The following WASHC3 variants were observed in gnomAD, a reference collection of about 807,000 sequenced individuals.
WASHC3 encodes the protein WASH complex subunit 3, also known as WASH complex subunit CCDC53.
In WASHC3, 24 loss-of-function variants were observed where a neutral mutation model predicts 26.1. That is an observed-to-expected ratio of 0.92 (90% confidence interval 0.66 to 1.29). The LOEUF is 1.29. WASHC3 is among the 50% of genes most tolerant of loss of function. The probability of loss-of-function intolerance (pLI) is 0.00; values close to 1 mark genes in which losing one functional copy is unlikely to be tolerated. For missense variants in WASHC3, 214 were observed against 229.6 expected (o/e 0.93, Z 0.44); for synonymous variants, 77 against 75.7 (o/e 1.02, Z -0.09).
intron 2 of WASHC3, chr12:102,050,273 T>C: frequency 4.4e-6 from 2 of 454,156 alleles, no homozygotes; most frequent in Non-Finnish European, 8.8e-6. Flanking sequence ...CCAGCATGGG[T>C]GACAAAGTGA....
intron 2 of WASHC3, chr12:102,050,194 G>C (rs1027021360): frequency 1.0e-5 from 4 of 388,258 alleles, no homozygotes; most frequent in Admixed American, 6.5e-5. Flanking sequence ...CGCACCTGTA[G>C]TTCCAGCTAC....
At chr12:102,054,262 T>C (rs749034717) in intron 2 of WASHC3, among the ~76,000 whole-genome samples, 1 of 152,222 alleles carries the variant, frequency 6.6e-6, no homozygotes, top group South Asian at 2.1e-4. Flanking sequence ...GTAAATGGAC[T>C]AAATTCTCTG....
intron 5 of WASHC3, among the ~76,000 whole-genome samples, chr12:102,032,053 A>G (rs1375294124): frequency 6.6e-6 from 1 of 152,160 alleles, no homozygotes; most frequent in Non-Finnish European, 1.5e-5. Flanking sequence ...AGAACATGCT[A>G]CTTCATGCTT....
At chr12:102,035,356 C>T (rs1256295055) in intron 5 of WASHC3, among the ~76,000 whole-genome samples, 1 of 152,030 alleles carries the variant, frequency 6.6e-6, no homozygotes, top group Non-Finnish European at 1.5e-5. Context: ...AGTGATTATG[C>T]CAAGGAAAGA....
chr12:102,045,050 TAA>T (rs1878102920), intron 3 of WASHC3, among the ~76,000 whole-genome samples: 1 of 152,018 alleles, frequency 6.6e-6, no homozygotes, highest in Admixed American at 6.5e-5. Flanking sequence ...AACATTAAAA[TAA>T]GACACATATT....
intron 6 of WASHC3, among the ~76,000 whole-genome samples, chr12:102,020,252 G>A (rs1876895205): frequency 6.6e-6 from 1 of 152,196 alleles, no homozygotes; most frequent in Non-Finnish European, 1.5e-5. Flanking sequence ...CACTAGGAGA[G>A]ACACGGTTTA....
At chr12:102,047,343 CTG>C (rs1030754635) in intron 2 of WASHC3, among the ~76,000 whole-genome samples, 12 of 152,302 alleles carry the variant, frequency 7.9e-5, no homozygotes, top group African/African-American at 2.9e-4. Flanking sequence ...GGGCAAAAAA[CTG>C]AAAGTGGCCA....
In WASHC3 at chr12:102,018,174, G is replaced by A. The variant is rs190161848; in HGVS notation, c.501-4982C>T. Among the ~76,000 whole-genome samples the A allele has an allele frequency of 4.4e-4, 67 of 152,194 alleles. 1 individual carries two copies. Among genetic ancestry groups the A allele is most frequent in the Middle Eastern group, 3.4e-3 (1 of 292 alleles). On this transcript the variant is annotated intron_variant, in intron 6 of 6. Transcript: ENST00000240079. The stretch of plus-strand genomic sequence containing the variant: ...TTTTAAGGCTGAGTAATATTCCACC[G>A]TATGTATATACCATAATTGTTCCTA...
intron 2 of WASHC3, among the ~76,000 whole-genome samples, chr12:102,052,978 G>A (rs187176345): frequency 4.6e-5 from 7 of 152,208 alleles, no homozygotes; most frequent in Non-Finnish European, 2.9e-5. Context: ...TCCCTGTGGT[G>A]AGTCAGGGTC....
intron 6 of WASHC3, among the ~76,000 whole-genome samples, chr12:102,020,604 A>C (rs1156409865): frequency 1.3e-5 from 2 of 152,248 alleles, no homozygotes; most frequent in Non-Finnish European, 2.9e-5. Context: ...CTAGACACTT[A>C]AAGACACTGA....
At chr12:102,058,629 T>C (rs897539473) in intron 2 of WASHC3, among the ~76,000 whole-genome samples, 3 of 152,064 alleles carry the variant, frequency 2.0e-5, no homozygotes, top group African/African-American at 7.2e-5. Context: ...ACAGCTATTA[T>C]AGAAAATAGT....
rs200614863 is a variant in WASHC3, at chr12:102,017,372, C to CTGTT, written c.501-4184_501-4181dup. 6.0e-3 allele frequency among the ~76,000 whole-genome samples: 915 copies of CTGTT among 152,230 alleles called. 4 individuals are homozygous for CTGTT. Among genetic ancestry groups the CTGTT allele is most frequent in the African/African-American group, 0.021 (872 of 41,512 alleles). On this transcript the variant is annotated intron_variant, in intron 6 of 6. Coordinates refer to ENST00000240079, the MANE Select transcript of WASHC3 (RefSeq NM_016053.4). ...CTGTATATATACAAATAAGGCTGAA[C>CTGTT]TGTTTGTGTGAAAAGAAAAAATAGT...
chr12:102,045,504 TA>T (rs1330912724), intron 3 of WASHC3, among the ~76,000 whole-genome samples: 1 of 152,096 alleles, frequency 6.6e-6, no homozygotes, highest in African/African-American at 2.4e-5. Context: ...AAAACACATG[TA>T]AAAAAATATT....
chr12:102,018,813 C>CTTATTTAT (rs112741805), intron 6 of WASHC3, among the ~76,000 whole-genome samples: 2 of 150,696 alleles, frequency 1.3e-5, no homozygotes, highest in Non-Finnish European at 3.0e-5. Flanking sequence ...GAGATGAAGT[C>CTTATTTAT]TTATTTATTT....
At chr12:102,050,784 C>G (rs1421707460) in intron 2 of WASHC3, 2 of 334,172 alleles carry the variant, frequency 6.0e-6, no homozygotes, top group African/African-American at 4.3e-5. Flanking sequence ...CTGCAATATG[C>G]ATAGAGCTTA....
rs148643940 is a variant in WASHC3, at chr12:102,038,392, A to G, written c.435+1476T>C. Among the ~76,000 whole-genome samples, 347 of 152,296 alleles carry G rather than the reference A, an allele frequency of 2.3e-3. 3 individuals are homozygous for G. The highest frequency in any genetic ancestry group is 7.7e-3 in the African/African-American group (321 of 41,558). On this transcript the variant is annotated intron_variant, in intron 5 of 6. Coordinates refer to ENST00000240079, the MANE Select transcript of WASHC3 (RefSeq NM_016053.4). ...GCAGCCTTCATAAAGATTTCAGGGC[A>G]TTTTTACAGAGTATCACCTAGTAGA... is the stretch of plus-strand genomic sequence containing the variant.
intron 5 of WASHC3, among the ~76,000 whole-genome samples, chr12:102,039,614 T>TTGTG (rs1877852171): frequency 6.6e-6 from 1 of 152,136 alleles, no homozygotes; most frequent in African/African-American, 2.4e-5. Context: ...ATTGATAACT[T>TTGTG]TGTGTAATGC....
chr12:102,029,478 T>C (rs1877339491), intron 5 of WASHC3, among the ~76,000 whole-genome samples: 2 of 152,224 alleles, frequency 1.3e-5, no homozygotes, highest in Non-Finnish European at 1.5e-5. Flanking sequence ...AGTTAAATAC[T>C]AGTTTCTTAT....
chr12:102,046,123 T>C lies in WASHC3; in HGVS notation c.151-4A>G, dbSNP rs1242440599. On this transcript the variant is annotated splice_region_variant and splice_polypyrimidine_tract_variant and intron_variant, in intron 2 of 6. Transcript: ENST00000240079. ...GAAGTGAAAGGTCTGCCAGTTTCTG[T>C]AAAAGAAAAATTAGAGACATAAAGA... 6.4e-7 allele frequency: 1 copy of C among 1,567,452 alleles called. No homozygotes were observed. The highest frequency in any genetic ancestry group is 1.4e-5 in the African/African-American group (1 of 73,900).
Sources: allele counts gnomAD v4.1 joint callset (sites outside exome capture counted in the v4.1 genomes callset), GRCh38; gene constraint gnomAD v4.1.1; transcripts MANE v1.5; gene names NCBI Gene and HGNC (gene_info 2026-07-23, HGNC 2026-07-21).